FHIT: variants seen among roughly 807,000 people sequenced by gnomAD.
FHIT encodes fragile histidine triad diadenosine triphosphatase.
In FHIT, 19 loss-of-function variants were observed where a neutral mutation model predicts 17.9. The observed-to-expected ratio is 1.06, with a 90% confidence interval of 0.74 to 1.56. The LOEUF is 1.56. Ranked by LOEUF, FHIT falls within the 40% of genes most tolerant of loss-of-function variation. The probability of loss-of-function intolerance (pLI) is 0.00; values close to 1 mark genes in which losing one functional copy is unlikely to be tolerated. For missense variants in FHIT, 248 were observed against 189.2 expected (o/e 1.31, Z -1.82); for synonymous variants, 81 against 69.7 (o/e 1.16, Z -0.81).
chr3:61,004,457 G>A (rs1273174452), intron 3 of FHIT, among the ~76,000 whole-genome samples: 1 of 152,186 alleles, frequency 6.6e-6, no homozygotes, highest in East Asian at 1.9e-4. Flanking sequence ...AAAACTTTGG[G>A]TAGTATGTAG....
At chr3:59,888,423 G>A (rs574870188) in intron 8 of FHIT, among the ~76,000 whole-genome samples, 1 of 152,196 alleles carries the variant, frequency 6.6e-6, no homozygotes, top group Admixed American at 6.5e-5. Flanking sequence ...CAGCTAAAAG[G>A]CCCAAATTGA....
chr3:60,198,743 T>A (rs1296722090), intron 5 of FHIT, among the ~76,000 whole-genome samples: 1 of 152,174 alleles, frequency 6.6e-6, no homozygotes, highest in Non-Finnish European at 1.5e-5. Flanking sequence ...CAAGTTTCAA[T>A]TTCTCAATCT....
intron 5 of FHIT, among the ~76,000 whole-genome samples, chr3:60,079,243 C>T (rs1016829732): frequency 2.0e-4 from 30 of 152,058 alleles, no homozygotes; most frequent in Admixed American, 1.7e-3. Context: ...ATGTGCAGGC[C>T]GCAGAGACAA....
chr3:60,237,080 T>C (rs749785840), intron 5 of FHIT, among the ~76,000 whole-genome samples: 4 of 152,244 alleles, frequency 2.6e-5, no homozygotes, highest in East Asian at 1.9e-4. Context: ...CTAAAATATA[T>C]TGATACTCCA....
intron 4 of FHIT, among the ~76,000 whole-genome samples, chr3:60,645,681 C>T (rs201327825): frequency 6.6e-6 from 1 of 152,108 alleles, no homozygotes; most frequent in Non-Finnish European, 1.5e-5. Context: ...GAAACTGAGA[C>T]AATAGACAAT....
intron 3 of FHIT, among the ~76,000 whole-genome samples, chr3:60,937,964 G>A (rs1362571605): frequency 6.6e-6 from 1 of 152,034 alleles, no homozygotes; most frequent in Non-Finnish European, 1.5e-5. Context: ...GGAACAAGGG[G>A]GTCCCAGCCT....
intron 3 of FHIT, among the ~76,000 whole-genome samples, chr3:61,037,529 A>G (rs2033316817): frequency 6.6e-6 from 1 of 152,214 alleles, no homozygotes. Context: ...ATCAAATGCT[A>G]TGGTTTGAAT....
At chr3:60,075,874 T>G (rs1702984615) in intron 5 of FHIT, among the ~76,000 whole-genome samples, 1 of 152,126 alleles carries the variant, frequency 6.6e-6, no homozygotes, top group South Asian at 2.1e-4. Context: ...ATCCTTATAA[T>G]GATGTCCCTT....
chr3:61,076,530 C>T (rs540169052), intron 2 of FHIT, among the ~76,000 whole-genome samples: 1 of 152,102 alleles, frequency 6.6e-6, no homozygotes, highest in South Asian at 2.1e-4. Flanking sequence ...TTTCTAAGGA[C>T]AAATAGGCTA....
intron 5 of FHIT, among the ~76,000 whole-genome samples, chr3:60,320,436 G>GA (rs930584118): frequency 4.0e-5 from 6 of 151,574 alleles, no homozygotes; most frequent in Admixed American, 6.6e-5. Context: ...AACTGGAGAG[G>GA]AAAAAAAATA....
At chr3:60,349,657 T>C (rs528963508) in intron 5 of FHIT, among the ~76,000 whole-genome samples, 5 of 152,172 alleles carry the variant, frequency 3.3e-5, no homozygotes, top group Non-Finnish European at 7.4e-5. Flanking sequence ...AACGTATATA[T>C]AAGGACTTCA....
At chr3:60,918,205 C>CCT (rs1707103285) in intron 3 of FHIT, among the ~76,000 whole-genome samples, 1 of 152,208 alleles carries the variant, frequency 6.6e-6, no homozygotes, top group Non-Finnish European at 1.5e-5. Context: ...GCTTCCCCAG[C>CCT]CAGGTGAAAC....
chr3:60,829,639 T>C (rs1322200001), intron 3 of FHIT, among the ~76,000 whole-genome samples: 2 of 152,166 alleles, frequency 1.3e-5, no homozygotes, highest in Admixed American at 6.5e-5. Flanking sequence ...TTCTGTAGTA[T>C]TCGTGGTACC....
At chr3:60,346,500 T>C (rs6787076) in intron 5 of FHIT, among the ~76,000 whole-genome samples, 70,309 of 152,086 alleles carry the variant, frequency 0.46, 17,026 homozygotes, top group South Asian at 0.61. Context: ...GAGGAGCCTG[T>C]GCTCTTCAGC....
intron 3 of FHIT, among the ~76,000 whole-genome samples, chr3:60,904,083 T>G (rs1474790569): frequency 6.6e-6 from 1 of 152,202 alleles, no homozygotes; most frequent in Non-Finnish European, 1.5e-5. Context: ...CCAGCTTTGG[T>G]GCTTATCAGG....
intron 5 of FHIT, among the ~76,000 whole-genome samples, chr3:60,177,801 G>A (rs750032116): frequency 6.6e-6 from 1 of 152,148 alleles, no homozygotes; most frequent in African/African-American, 2.4e-5. Context: ...CTCTGAAAAG[G>A]ATTCCCACTA....
chr3:61,168,790 A>T (rs1264305955), intron 2 of FHIT, among the ~76,000 whole-genome samples: 2 of 152,228 alleles, frequency 1.3e-5, no homozygotes, highest in Non-Finnish European at 2.9e-5. Flanking sequence ...AAACAACCTG[A>T]TCTGGGCGGA....
intron 1 of FHIT, among the ~76,000 whole-genome samples, chr3:61,232,138 C>T (rs2040121266): frequency 6.6e-6 from 1 of 152,218 alleles, no homozygotes; most frequent in African/African-American, 2.4e-5. Context: ...AATCCCAGCA[C>T]TTTGAGAAGC....
At chr3:60,185,271 T>A (rs1000946485) in intron 5 of FHIT, among the ~76,000 whole-genome samples, 2 of 152,142 alleles carry the variant, frequency 1.3e-5, no homozygotes, top group Non-Finnish European at 2.9e-5. Context: ...AAAAATCGCA[T>A]GTTTCACCTA....
Sources: allele counts gnomAD v4.1 joint callset (sites outside exome capture counted in the v4.1 genomes callset), GRCh38; gene constraint gnomAD v4.1.1; transcripts MANE v1.5; gene names NCBI Gene and HGNC (gene_info 2026-07-23, HGNC 2026-07-21).